EXT1: variants seen among roughly 807,000 people sequenced by gnomAD.
EXT1 encodes the protein exostosin-1.
EXT1 carries 20 observed loss-of-function variants against 82.5 expected under a neutral mutation model. The ratio of observed to expected loss-of-function variants is 0.24; its 90% CI spans 0.17 to 0.35. EXT1 has a LOEUF of 0.35. Among genes scored for constraint, EXT1 ranks in the 10% least tolerant of loss-of-function variants. The pLI is 1.00. For missense variants in EXT1, 757 were observed against 936.5 expected, an observed-to-expected ratio of 0.81 and a Z score of 2.50; for synonymous variants, 348 against 350.8, an observed-to-expected ratio of 0.99 and a Z score of 0.09.
rs928177558 is a variant in EXT1 at position 118,110,945 on chromosome 8, G to A, written c.102C>T (p.His34=). Residue 34 remains histidine (H), a synonymous_variant, in exon 1 of 11, where the codon CAC becomes CAT. Coordinates refer to ENST00000378204, the MANE Select transcript of EXT1 (RefSeq NM_000127.3). ...TACCGCTGTGTTCTTCTCTCCGGCT[G>A]TGGCTCCTCGATGCCCTAAACTGCA... ...GGLQFRASRS[H]SRREEHSGRN... 9.9e-6 allele frequency: 16 copies of A among 1,613,278 alleles called. No individual in the cohort carries two copies. Among genetic ancestry groups the A allele is most frequent in the South Asian group, 2.2e-5 (2 of 91,074 alleles).
chr8:117,963,787 GC>G (rs1426343729), intron 1 of EXT1, among the ~76,000 whole-genome samples: 1 of 152,158 alleles, frequency 6.6e-6, no homozygotes, highest in African/African-American at 2.4e-5. Flanking sequence ...ACTGCACCCG[GC>G]CCCTATTGAG....
intron 1 of EXT1, among the ~76,000 whole-genome samples, chr8:118,100,951 A>T (rs182187251): frequency 2.6e-3 from 394 of 152,266 alleles, no homozygotes; most frequent in Admixed American, 5.0e-3. Context: ...CTGGACTTCC[A>T]GGGCACCTAC....
At chr8:118,091,793 A>C (rs17451561) in intron 1 of EXT1, among the ~76,000 whole-genome samples, 72,080 of 151,302 alleles carry the variant, frequency 0.48, 18,903 homozygotes, top group Non-Finnish European at 0.6. Flanking sequence ...CTCTCTCTAT[A>C]TATATATGTA....
At chr8:118,068,844 G>T (rs1439738255) in intron 1 of EXT1, among the ~76,000 whole-genome samples, 6 of 152,052 alleles carry the variant, frequency 3.9e-5, no homozygotes, top group Non-Finnish European at 8.8e-5. Context: ...AAATTTTTTA[G>T]AAGAGTTGTT....
At chr8:118,054,002 G>A (rs140336925) in intron 1 of EXT1, among the ~76,000 whole-genome samples, 1 of 152,274 alleles carries the variant, frequency 6.6e-6, no homozygotes, top group East Asian at 1.9e-4. Context: ...ATGTGTATGG[G>A]GGTGAAGAAT....
rs112871266 is a variant in EXT1, at chr8:118,073,688, A to C, written c.962+36397T>G. The stretch of plus-strand genomic sequence containing the variant: ...AGAAGAGAAGAGAAGAGAAGAGAAG[A>C]GAAGAGAAGAGAAGAGAAGCCTCTT... On this transcript the variant is annotated intron_variant, in intron 1 of 10. Transcript: ENST00000378204. Among the ~76,000 whole-genome samples the C allele has an allele frequency of 9.1e-4, 127 of 139,876 alleles. 1 individual carries two copies. In the South Asian group the frequency reaches 0.017, roughly 18 times the overall value. 91.8% of individuals were successfully genotyped at this position (139,876 alleles called of 152,430 possible).
At chr8:117,969,653 A>G (rs34590016) in intron 1 of EXT1, among the ~76,000 whole-genome samples, 7,530 of 152,158 alleles carry the variant, frequency 0.049, 231 homozygotes, top group South Asian at 0.11. Context: ...TCATGTTGTG[A>G]CAGATCTGAG....
intron 1 of EXT1, among the ~76,000 whole-genome samples, chr8:117,904,920 C>G (rs1813515633): frequency 6.6e-6 from 1 of 152,016 alleles, no homozygotes. Flanking sequence ...AGGATTTACT[C>G]TAGGAAGTGG....
At chr8:118,104,365 T>G (rs189996957) in intron 1 of EXT1, among the ~76,000 whole-genome samples, 82 of 152,290 alleles carry the variant, frequency 5.4e-4, no homozygotes, top group Non-Finnish European at 6.3e-4. Flanking sequence ...GAAAGTTAAT[T>G]CCGCACAACC....
chr8:118,006,187 G>A (rs1815771092), intron 1 of EXT1, among the ~76,000 whole-genome samples: 1 of 152,166 alleles, frequency 6.6e-6, no homozygotes, highest in South Asian at 2.1e-4. Flanking sequence ...TCAGTGCTTT[G>A]CAAGGAGTGA....
At chr8:117,819,249 C>T (rs1563570254) in intron 6 of EXT1, among the ~76,000 whole-genome samples, 1 of 152,138 alleles carries the variant, frequency 6.6e-6, no homozygotes, top group Non-Finnish European at 1.5e-5. Flanking sequence ...GTCATAGTTG[C>T]TATGAAAAGA....
intron 1 of EXT1, among the ~76,000 whole-genome samples, chr8:117,964,346 TG>T (rs1814762407): frequency 6.6e-6 from 1 of 152,252 alleles, no homozygotes; most frequent in South Asian, 2.1e-4. Flanking sequence ...AATTCTGATT[TG>T]TCTTCCCTTC....
At chr8:117,855,694 A>G (rs1485199852) in intron 1 of EXT1, among the ~76,000 whole-genome samples, 1 of 152,212 alleles carries the variant, frequency 6.6e-6, no homozygotes, top group East Asian at 1.9e-4. Flanking sequence ...TTAGAGACGG[A>G]GTCTCACACT....
chr8:117,988,767 TGGTAATGCCAAACACTGA>T (rs1045757226), intron 1 of EXT1, among the ~76,000 whole-genome samples: 3 of 152,168 alleles, frequency 2.0e-5, no homozygotes, highest in Admixed American at 2.0e-4. Flanking sequence ...AACCGCTGCC[TGGTAATGCCAAACACTGA>T]GGTGGTCCCT....
chr8:117,799,181 T>C lies in EXT1; in HGVS notation c.*531A>G, dbSNP rs146852675. ...ATTCGAAGTGGAAAACAATTTGCAC[T>C]GGCAAAGTTGAATAATGAAGTTACA... On this transcript the variant is annotated 3_prime_UTR_variant, in exon 11 of 11. Transcript: ENST00000378204. The C allele has an allele frequency of 2.6e-4, 41 of 159,956 alleles. No homozygotes were observed. Among genetic ancestry groups the C allele is most frequent in the Non-Finnish European group, 5.4e-4 (39 of 72,684 alleles). The allele number at this position is 159,956 out of a possible 1,614,324, so 9.9% of individuals were successfully genotyped here.
At chr8:117,884,690 G>A (rs555729086) in intron 1 of EXT1, among the ~76,000 whole-genome samples, 1 of 152,034 alleles carries the variant, frequency 6.6e-6, no homozygotes, top group South Asian at 2.1e-4. Context: ...AAATGAAACT[G>A]TGTGAATCCC....
chr8:117,881,073 G>A (rs927161962), intron 1 of EXT1, among the ~76,000 whole-genome samples: 8 of 152,100 alleles, frequency 5.3e-5, no homozygotes, highest in Non-Finnish European at 1.2e-4. Flanking sequence ...TCAAGTGCAG[G>A]TGACTGGAAT....
intron 1 of EXT1, among the ~76,000 whole-genome samples, chr8:118,089,797 G>A (rs1433998639): frequency 1.3e-5 from 2 of 152,204 alleles, no homozygotes; most frequent in Non-Finnish European, 2.9e-5. Flanking sequence ...TTTTACATAG[G>A]ATACGGGAGA....
intron 1 of EXT1, among the ~76,000 whole-genome samples, chr8:117,847,005 T>C (rs575978793): frequency 1.7e-4 from 26 of 152,290 alleles, no homozygotes; most frequent in Non-Finnish European, 2.9e-4. Context: ...CTGTATTAAG[T>C]TGCCCATTTT....
Sources: allele counts gnomAD v4.1 joint callset (sites outside exome capture counted in the v4.1 genomes callset), GRCh38; gene constraint gnomAD v4.1.1; transcripts MANE v1.5; gene names NCBI Gene and HGNC (gene_info 2026-07-23, HGNC 2026-07-21).